Variants in ZNF846 observed in about 807,000 individuals in gnomAD.
ZNF846 encodes the protein zinc finger protein 846.
ZNF846 carries 15 observed loss-of-function variants against 16.0 expected under a neutral mutation model. The observed-to-expected ratio is 0.94, with a 90% CI of 0.63 to 1.45. The LOEUF (loss-of-function observed/expected upper bound fraction) is 1.45, where lower values mean the gene tolerates loss of function less well. ZNF846 is among the 40% of genes most tolerant of loss of function. The probability of loss-of-function intolerance (pLI) is 0.00; values close to 1 mark genes in which losing one functional copy is unlikely to be tolerated. For synonymous variants in ZNF846, 229 were observed against 212.0 expected (o/e 1.08, Z -0.70); for missense variants, 714 against 622.3 (o/e 1.15, Z -1.57).
chr19:9,759,375 G>C (rs1438898625), intron 5 of ZNF846, among the ~76,000 whole-genome samples: 5 of 151,642 alleles, frequency 3.3e-5, no homozygotes, highest in Non-Finnish European at 5.9e-5. Flanking sequence ...GCCAAGGCAG[G>C]TGGATTGCTT....
chr19:9,784,129 A>G (rs538150622), intron 1 of ZNF846, among the ~76,000 whole-genome samples: 3 of 145,658 alleles, frequency 2.1e-5, no homozygotes, highest in Middle Eastern at 3.4e-3. Flanking sequence ...AGAGACTGAG[A>G]AAAGGAAATA....
At chr19:9,763,506 G>T in intron 2 of ZNF846, 98 bp from the exon 3 acceptor site, 9 of 1,177,754 alleles carry the variant, frequency 7.6e-6, no homozygotes, top group Non-Finnish European at 1.0e-5. Flanking sequence ...GAAGCCTGCA[G>T]TACTCCCAGG....
At chr19:9,764,030 A>G (rs1252920185) in intron 2 of ZNF846, among the ~76,000 whole-genome samples, 2 of 152,204 alleles carry the variant, frequency 1.3e-5, no homozygotes, top group Non-Finnish European at 2.9e-5. Context: ...CACAGAGCCT[A>G]TGAATGGACG....
chr19:9,757,926 T>C, exon 6 of ZNF846: 2 of 1,613,686 alleles, frequency 1.2e-6, no homozygotes, highest in Non-Finnish European at 1.7e-6. Context: ...TGTTCTCATG[T>C]GTAAAACAAG....
rs567896180 is a variant in ZNF846, at chr19:9,762,194, GA to G, written c.143-27del. ...CTGGAGGGAAAAATGCACAAAAGAAGAGGCCCATGCAAGACATAACACCATG... is the reference window on the plus strand; with the variant it reads ...CTGGAGGGAAAAATGCACAAAAGAAGGGCCCATGCAAGACATAACACCATG... On this transcript the variant is annotated intron_variant, in intron 3 of 5. Transcript: ENST00000397902. The G allele has an allele frequency of 3.7e-4, 590 of 1,588,202 alleles. 1 individual carries two copies. The highest frequency in any genetic ancestry group is 4.7e-4 in the Non-Finnish European group (539 of 1,156,804).
chr19:9,764,918 G>C lies in ZNF846; in HGVS notation c.15+18C>G, dbSNP rs768371852. On this transcript the variant is annotated intron_variant, in intron 2 of 5. Transcript: ENST00000397902. Reference sequence around the variant, plus strand: ...CTACAAGCATAACATTTTGAAGTTAGGTCTGCTTTCCACTTGCCTGAGAAG... The same window carrying C: ...CTACAAGCATAACATTTTGAAGTTACGTCTGCTTTCCACTTGCCTGAGAAG... 6.2e-7 allele frequency: 1 copy of C among 1,614,022 alleles called. No individual in the cohort carries two copies. Among genetic ancestry groups the C allele is most frequent in the Non-Finnish European group, 8.5e-7 (1 of 1,179,928 alleles).
chr19:9,767,750 C>T (rs531060301), intron 1 of ZNF846, among the ~76,000 whole-genome samples: 1 of 152,106 alleles, frequency 6.6e-6, no homozygotes, highest in East Asian at 1.9e-4. Context: ...GCCCAACCAA[C>T]ATGGTGAAAC....
At position 9,760,308 on chromosome 19, in the gene ZNF846, T is replaced by C. The variant is rs538730146; in HGVS notation, c.230-366A>G. Among the ~76,000 whole-genome samples, 215 of 149,504 alleles carry C rather than the reference T, an allele frequency of 1.4e-3. 9 individuals are homozygous for C. The highest frequency in any genetic ancestry group is 5.2e-3 in the African/African-American group (209 of 40,170). ...CTTCGTCTCAAAAAAAAAAAATGCC[T>C]AAGGAACAGACATAGCATAATCAAA... is the stretch of plus-strand genomic sequence containing the variant. On this transcript the variant is annotated intron_variant, in intron 4 of 5. Coordinates refer to ENST00000397902, the Ensembl canonical transcript of ZNF846.
chr19:9,782,761 A>T (rs2045514509), intron 1 of ZNF846, among the ~76,000 whole-genome samples: 1 of 152,248 alleles, frequency 6.6e-6, no homozygotes, highest in Admixed American at 6.5e-5. Context: ...TGGAAAAGAA[A>T]TGTTACTGGG....
chr19:9,760,757 G>A lies in ZNF846; in HGVS notation c.230-815C>T, dbSNP rs950549634. ...ATATAGCTAAGTGAAAGAAGCTAGA[G>A]AGAAAAGGTTACATTGTATGATTCC... On this transcript the variant is annotated intron_variant, in intron 4 of 5. Coordinates refer to ENST00000397902, the Ensembl canonical transcript of ZNF846. 4.0e-5 allele frequency among the ~76,000 whole-genome samples: 6 copies of A among 151,464 alleles called. No homozygotes were observed. The South Asian group carries it at 1.2e-3, about 31-fold the overall frequency.
chr19:9,785,924 A>C (rs1319406623), intron 1 of ZNF846: 1 of 132,184 alleles, frequency 7.6e-6, no homozygotes, highest in African/African-American at 3.0e-5. Flanking sequence ...GCTAAGCCGC[A>C]CCTGAAGCCG....
intron 1 of ZNF846, among the ~76,000 whole-genome samples, chr19:9,782,539 A>G (rs2045512433): frequency 6.6e-6 from 1 of 152,174 alleles, no homozygotes; most frequent in Non-Finnish European, 1.5e-5. Flanking sequence ...CTGGGATTGC[A>G]GGCATGAGTC....
chr19:9,754,564 TA>T (rs545236944), downstream of ZNF846, among the ~76,000 whole-genome samples: 2,255 of 88,666 alleles, frequency 0.025, 34 homozygotes, highest in South Asian at 0.041. Flanking sequence ...GACTCTGTCT[TA>T]AAAAAAAAAA....
At chr19:9,751,122 G>T (rs10401153), downstream of ZNF846, among the ~76,000 whole-genome samples, 2 of 151,816 alleles carry the variant, frequency 1.3e-5, no homozygotes, top group South Asian at 4.1e-4. Context: ...CTTATTGAGG[G>T]CTTGTGTCTT....
At chr19:9,754,903 T>C (rs12459888), downstream of ZNF846, among the ~76,000 whole-genome samples, 16,571 of 150,872 alleles carry the variant, frequency 0.11, 1,526 homozygotes, top group African/African-American at 0.21. Flanking sequence ...ATCACTCTTG[T>C]TGCCCAGGCT....
downstream of ZNF846, among the ~76,000 whole-genome samples, chr19:9,753,219 A>AATTAATTTATTT (rs1555710852): frequency 3.7e-5 from 5 of 134,512 alleles, no homozygotes; most frequent in Admixed American, 3.7e-4. Flanking sequence ...GAGGAGACAA[A>AATTAATTTATTT]ATTTATTTAT....
intron 1 of ZNF846, among the ~76,000 whole-genome samples, chr19:9,766,175 T>C (rs1004266498): frequency 5.9e-5 from 9 of 151,830 alleles, no homozygotes; most frequent in African/African-American, 9.7e-5. Context: ...ATCCCGGCAC[T>C]TTGGGAGGCC....
At chr19:9,779,212 T>A (rs548852556) in intron 1 of ZNF846, among the ~76,000 whole-genome samples, 3 of 152,254 alleles carry the variant, frequency 2.0e-5, no homozygotes, top group Admixed American at 2.0e-4. Context: ...TGAAAAGAGG[T>A]TGGTTCCTTT....
Position 9,764,632 on chromosome 19 carries a change from A to AC in ZNF846, c.15+303dup, listed in dbSNP as rs1320484648. ...GGCACTGTGGGACCAGAAGGCGGTGACCCCCCTGGACCCAGCCTTCACTAT... is the reference window on the plus strand; with the variant it reads ...GGCACTGTGGGACCAGAAGGCGGTGACCCCCCCTGGACCCAGCCTTCACTAT... On this transcript the variant is annotated intron_variant, in intron 2 of 5. Transcript: ENST00000397902. 2.0e-5 allele frequency among the ~76,000 whole-genome samples: 3 copies of AC among 151,976 alleles called. No individual in the cohort carries two copies. In the East Asian group the frequency reaches 5.8e-4, roughly 29 times the overall value.
Sources: allele counts gnomAD v4.1 joint callset (sites outside exome capture counted in the v4.1 genomes callset), GRCh38; gene constraint gnomAD v4.1.1; transcripts MANE v1.5; gene names NCBI Gene and HGNC (gene_info 2026-07-23, HGNC 2026-07-21).